The following TCFL5 variants were observed in gnomAD, a reference collection of about 807,000 sequenced individuals.
TCFL5 encodes transcription factor like 5, also known as transcription factor-like 5 protein.
In TCFL5, 9 loss-of-function variants were observed where a neutral mutation model predicts 44.3. The observed-to-expected ratio is 0.20, with a 90% CI of 0.12 to 0.35. TCFL5 has a LOEUF of 0.35. TCFL5 is among the 10% of genes least tolerant of loss of function. TCFL5 has a pLI of 1.00. For missense variants in TCFL5, 603 were observed against 613.4 expected (o/e 0.98, Z 0.18); for synonymous variants, 319 against 271.6 (o/e 1.17, Z -1.72).
intron 4 of TCFL5, 80 bp from the exon 5 acceptor site, chr20:62,854,237 T>C: frequency 6.5e-7 from 1 of 1,545,990 alleles, no homozygotes; most frequent in Non-Finnish European, 8.7e-7. Flanking sequence ...CCTGTAGTAC[T>C]TGAGGGAACC....
In TCFL5 at chr20:62,857,558, G is replaced by A; in HGVS notation, c.1075C>T (p.Leu359Phe). ...QLDTNVERRA[L>F]GEIQNVGEGA... Reference sequence around the variant, plus strand: ...TCGCCCACATTCTGAATCTCTCCAAGGGCTCTTCGCTCTACATTTGTGTCC... The same window carrying A: ...TCGCCCACATTCTGAATCTCTCCAAAGGCTCTTCGCTCTACATTTGTGTCC... Residue 359 changes from leucine (L) to phenylalanine (F), a missense_variant, in exon 4 of 6, where the codon CTT (leucine) becomes TTT (phenylalanine). Transcript: ENST00000335351. 1 of 1,614,208 alleles carries A rather than the reference G, an allele frequency of 6.2e-7. No individual in the cohort carries two copies. The highest frequency in any genetic ancestry group is 8.5e-7 in the Non-Finnish European group (1 of 1,180,048).
intron 5 of TCFL5, chr20:62,845,169 T>TG: frequency 2.0e-6 from 2 of 978,952 alleles, no homozygotes; most frequent in Non-Finnish European, 2.4e-6. Context: ...TCGCCCAGAC[T>TG]GGGGTGCAAT....
chr20:62,851,524 CA>C (rs2063809638), intron 5 of TCFL5: 1 of 985,084 alleles, frequency 1.0e-6, no homozygotes, highest in Non-Finnish European at 1.2e-6. Context: ...TTTATCAAAA[CA>C]AATCAACAGT....
chr20:62,843,407 G>C (rs1038012064), intron 5 of TCFL5, among the ~76,000 whole-genome samples: 2 of 152,100 alleles, frequency 1.3e-5, no homozygotes, highest in Admixed American at 6.6e-5. Flanking sequence ...AATGATGTCT[G>C]GAATTGTTTT....
At chr20:62,852,409 C>A (rs960656086) in intron 5 of TCFL5, 1 of 886,672 alleles carries the variant, frequency 1.1e-6, no homozygotes, top group Non-Finnish European at 1.3e-6. Context: ...GGGGTCCCCC[C>A]AAGGCAGGGC....
Position 62,857,322 on chromosome 20 carries a change from C to G in TCFL5, c.1238+73G>C, listed in dbSNP as rs115835341. 8.3e-4 allele frequency: 1,305 copies of G among 1,573,560 alleles called. 8 individuals carry two copies. The African/African-American group carries it at 0.014, about 17-fold the overall frequency. The stretch of plus-strand genomic sequence containing the variant: ...TGAACGCAGAAACGGCTAAGGATCA[C>G]TCATCTGTGATAACCATGTATGACT... On this transcript the variant is annotated intron_variant, in intron 4 of 5. Coordinates refer to ENST00000335351, the MANE Select transcript of TCFL5 (RefSeq NM_006602.4).
At chr20:62,852,371 T>C (rs7271619) in intron 5 of TCFL5, 22,238 of 980,484 alleles carry the variant, frequency 0.023, 1,669 homozygotes, top group Middle Eastern at 0.068. Flanking sequence ...TCGGGTCCCC[T>C]GAAGGCAGGG....
intron 5 of TCFL5, among the ~76,000 whole-genome samples, chr20:62,848,367 T>C (rs567517792): frequency 3.3e-5 from 5 of 152,332 alleles, no homozygotes; most frequent in Middle Eastern, 6.8e-3. Flanking sequence ...GTGGGCACTA[T>C]TGAGACAGCA....
chr20:62,856,252 C>CAAAAA (rs11473595), intron 4 of TCFL5, among the ~76,000 whole-genome samples: 3 of 63,818 alleles, frequency 4.7e-5, no homozygotes, highest in Admixed American at 1.8e-4. Context: ...GACTCCGTCT[C>CAAAAA]AAAAAAAAAA....
rs1451664996 is a variant in TCFL5 at position 62,860,927 on chromosome 20, C to T, written c.647+97G>A. On this transcript the variant is annotated intron_variant, in intron 1 of 5. Transcript: ENST00000335351. ...TGCCGCCGGGAGGGCAGGCTGGGGG[C>T]GTGCACAGCGAGGGCCCCCTTTGCC... 9 of 909,378 alleles carry T rather than the reference C, an allele frequency of 9.9e-6. No homozygotes were observed. The East Asian group carries it at 9.4e-4, about 95-fold the overall frequency. The allele number at this position is 909,378 out of a possible 1,614,324, so 56.3% of individuals were successfully genotyped here.
intron 1 of TCFL5, 108 bp from the exon 2 acceptor site, chr20:62,860,416 C>T (rs2063976632): frequency 1.1e-6 from 1 of 944,778 alleles, no homozygotes; most frequent in Non-Finnish European, 1.6e-6. Context: ...CAACCCAACT[C>T]TCATCCTGGA....
intron 4 of TCFL5, among the ~76,000 whole-genome samples, chr20:62,854,728 C>CT (rs891275779): frequency 2.6e-5 from 4 of 152,208 alleles, no homozygotes; most frequent in Non-Finnish European, 5.9e-5. Context: ...TGTTATTAGA[C>CT]TATTTTTTAA....
chr20:62,841,810 A>G lies in TCFL5; in HGVS notation c.*165T>C, dbSNP rs370711725. ...TGGATAAGCATTTGCGTCTAGATAA[A>G]TATTTTTACAAAATGTGCTCTCAAA... On this transcript the variant is annotated 3_prime_UTR_variant, in exon 6 of 6. Transcript: ENST00000335351. 5.0e-6 allele frequency: 4 copies of G among 803,280 alleles called. No homozygotes were observed. Among genetic ancestry groups the G allele is most frequent in the Admixed American group, 3.6e-5 (1 of 28,100 alleles). 49.8% of individuals were successfully genotyped at this position (803,280 alleles called of 1,614,324 possible).
chr20:62,860,910 G>A (rs66726170), intron 1 of TCFL5, 114 bp downstream of exon 1: 229,724 of 862,834 alleles, frequency 0.27, 31,069 homozygotes, highest in Middle Eastern at 0.28. Flanking sequence ...TGTGCCGCCG[G>A]GAGGGCAGGC....
chr20:62,851,749 G>C, intron 5 of TCFL5: 5 of 985,360 alleles, frequency 5.1e-6, no homozygotes, highest in Non-Finnish European at 6.0e-6. Flanking sequence ...CTGAAGAGAC[G>C]AGCCCTCACT....
At chr20:62,855,414 C>T (rs1041754301) in intron 4 of TCFL5, among the ~76,000 whole-genome samples, 3 of 152,190 alleles carry the variant, frequency 2.0e-5, no homozygotes, top group Admixed American at 6.5e-5. Context: ...CCTCCCACCT[C>T]GGCCCACAGT....
intron 5 of TCFL5, among the ~76,000 whole-genome samples, chr20:62,850,991 G>A (rs1437401519): frequency 6.6e-6 from 1 of 152,188 alleles, no homozygotes; most frequent in African/African-American, 2.4e-5. Flanking sequence ...TGCCAGACAT[G>A]CCTCTATCTT....
At chr20:62,845,478 A>G (rs773675109) in intron 5 of TCFL5, 1 of 1,380,448 alleles carries the variant, frequency 7.2e-7, no homozygotes, top group East Asian at 2.8e-5. Flanking sequence ...CCACATTTTG[A>G]TAATTTCCTA....
chr20:62,860,336 T>C, intron 1 of TCFL5, 28 bp from the exon 2 acceptor site: 1 of 1,588,306 alleles, frequency 6.3e-7, no homozygotes, highest in Non-Finnish European at 8.6e-7. Flanking sequence ...AGCCCAGAAG[T>C]GTCAGCAATA....
Sources: allele counts gnomAD v4.1 joint callset (sites outside exome capture counted in the v4.1 genomes callset), GRCh38; gene constraint gnomAD v4.1.1; transcripts MANE v1.5; gene names NCBI Gene and HGNC (gene_info 2026-07-23, HGNC 2026-07-21).